WDPCP: variants seen among roughly 807,000 people sequenced by gnomAD.
The protein encoded by WDPCP is WD repeat-containing and planar cell polarity effector protein fritz homolog.
In WDPCP, 71 loss-of-function variants were observed where a neutral mutation model predicts 93.1. The observed-to-expected ratio is 0.76, with a 90% confidence interval of 0.63 to 0.93. The LOEUF (loss-of-function observed/expected upper bound fraction) is 0.93, where lower values mean the gene tolerates loss of function less well. Ranked by LOEUF, WDPCP falls within the 40% of genes least tolerant of loss-of-function variation. The probability of loss-of-function intolerance (pLI) is 0.00; values close to 1 mark genes in which losing one functional copy is unlikely to be tolerated. For missense variants in WDPCP, 844 were observed against 887.4 expected (o/e 0.95, Z 0.62); for synonymous variants, 315 against 315.0 (o/e 1.00, Z 0.00).
chr2:63,571,045 C>T (rs1037920387), intron 1 of WDPCP, among the ~76,000 whole-genome samples: 9 of 150,946 alleles, frequency 6.0e-5, no homozygotes, highest in South Asian at 2.1e-4. Flanking sequence ...GCTGGGACTA[C>T]AGGTGCGTGC....
intron 13 of WDPCP, among the ~76,000 whole-genome samples, chr2:63,292,644 C>G (rs1251252124): frequency 1.3e-5 from 2 of 152,192 alleles, no homozygotes; most frequent in Admixed American, 6.5e-5. Context: ...ACTTCTGGGT[C>G]TCACCTCTTC....
chr2:63,352,954 T>C (rs1378040263), intron 12 of WDPCP, among the ~76,000 whole-genome samples: 1 of 152,092 alleles, frequency 6.6e-6, no homozygotes, highest in Non-Finnish European at 1.5e-5. Flanking sequence ...TAATAAAAAT[T>C]AGTAAAGTCC....
chr2:63,494,897 G>A (rs1221969400), intron 1 of WDPCP, among the ~76,000 whole-genome samples: 5 of 147,198 alleles, frequency 3.4e-5, no homozygotes, highest in African/African-American at 1.0e-4. Context: ...TCCAGCCTGG[G>A]CGACAGAGCG....
At chr2:63,330,765 T>A (rs1004655145) in intron 12 of WDPCP, among the ~76,000 whole-genome samples, 2 of 152,114 alleles carry the variant, frequency 1.3e-5, no homozygotes, top group Non-Finnish European at 2.9e-5. Flanking sequence ...TTGTATGGTA[T>A]AAGAGAAGCA....
At chr2:63,271,186 C>T (rs530226638) in intron 13 of WDPCP, among the ~76,000 whole-genome samples, 2 of 152,326 alleles carry the variant, frequency 1.3e-5, no homozygotes, top group East Asian at 3.9e-4. Flanking sequence ...CTCACCAGAG[C>T]CTGAGAGCCA....
At chr2:63,673,353 C>T (rs1710368349) in intron 2 of WDPCP, among the ~76,000 whole-genome samples, 1 of 152,166 alleles carries the variant, frequency 6.6e-6, no homozygotes, top group Admixed American at 6.5e-5. Context: ...GAATTGTTTT[C>T]AGACCACAAT....
At chr2:63,623,456 A>G (rs1709771836) in intron 3 of WDPCP, among the ~76,000 whole-genome samples, 1 of 152,186 alleles carries the variant, frequency 6.6e-6, no homozygotes, top group South Asian at 2.1e-4. Flanking sequence ...GTAAAGACAC[A>G]TACAGGCTCA....
intron 14 of WDPCP, among the ~76,000 whole-genome samples, chr2:63,203,921 A>T (rs891529338): frequency 6.6e-6 from 1 of 152,192 alleles, no homozygotes; most frequent in Non-Finnish European, 1.5e-5. Flanking sequence ...GCCATTGTGC[A>T]TATATACATT....
intron 13 of WDPCP, among the ~76,000 whole-genome samples, chr2:63,283,489 A>G (rs942546283): frequency 1.3e-5 from 2 of 152,384 alleles, no homozygotes; most frequent in African/African-American, 2.4e-5. Flanking sequence ...AAGTTTTATT[A>G]GAACGTAGCC....
chr2:63,698,113 G>T (rs1036960501), intron 2 of WDPCP, among the ~76,000 whole-genome samples: 4 of 152,014 alleles, frequency 2.6e-5, no homozygotes, highest in Non-Finnish European at 5.9e-5. Context: ...GCAGCACCAT[G>T]CCTGGCTAAT....
chr2:63,210,165 C>T (rs1351149613), intron 14 of WDPCP, among the ~76,000 whole-genome samples: 2 of 151,712 alleles, frequency 1.3e-5, no homozygotes, highest in African/African-American at 4.8e-5. Flanking sequence ...ACAGAATATA[C>T]ATATGTAATT....
At chr2:63,562,009 C>G (rs1048926766) in intron 1 of WDPCP, among the ~76,000 whole-genome samples, 1 of 152,144 alleles carries the variant, frequency 6.6e-6, no homozygotes, top group African/African-American at 2.4e-5. Flanking sequence ...ACCTAGCAAT[C>G]TCATTATTGG....
intron 2 of WDPCP, among the ~76,000 whole-genome samples, chr2:63,702,608 G>A (rs1405820250): frequency 2.0e-5 from 3 of 149,922 alleles, no homozygotes; most frequent in East Asian, 2.0e-4. Context: ...GCGCGATTTC[G>A]GCTCACTGCA....
chr2:63,766,019 A>G (rs1330166031), intron 2 of WDPCP, among the ~76,000 whole-genome samples: 1 of 152,236 alleles, frequency 6.6e-6, no homozygotes, highest in Admixed American at 6.5e-5. Flanking sequence ...GGGAGCCTCA[A>G]AAGTTGTCCA....
intron 1 of WDPCP, among the ~76,000 whole-genome samples, chr2:63,527,220 T>C (rs1703405193): frequency 6.9e-6 from 1 of 144,732 alleles, no homozygotes; most frequent in Non-Finnish European, 1.5e-5. Flanking sequence ...AGGGCAGGCA[T>C]GCTTTTTTTT....
At chr2:63,665,520 A>G (rs1445141461) in intron 2 of WDPCP, among the ~76,000 whole-genome samples, 1 of 152,248 alleles carries the variant, frequency 6.6e-6, no homozygotes, top group Non-Finnish European at 1.5e-5. Flanking sequence ...CATCTATTAT[A>G]CAATGATCCT....
chr2:63,594,797 T>C, intron 3 of WDPCP: 1 of 453,334 alleles, frequency 2.2e-6, no homozygotes, highest in South Asian at 2.4e-5. Flanking sequence ...AACTCTTCCA[T>C]ATATTGTACT....
upstream of WDPCP, among the ~76,000 whole-genome samples, chr2:63,831,400 C>T (rs547285819): frequency 2.0e-5 from 3 of 152,194 alleles, no homozygotes; most frequent in East Asian, 1.9e-4. Flanking sequence ...TTCAGAGCCT[C>T]GGTTCTTGCC....
chr2:63,210,974 G>A (rs968444646), intron 14 of WDPCP, among the ~76,000 whole-genome samples: 2 of 152,214 alleles, frequency 1.3e-5, no homozygotes, highest in Non-Finnish European at 2.9e-5. Context: ...GAAATGGGTG[G>A]AGCCCACTGC....
Sources: gnomAD v4.1 joint callset for allele counts (sites outside exome capture counted in the v4.1 genomes callset) on GRCh38, gnomAD v4.1.1 for gene constraint, MANE v1.5 for transcripts, NCBI Gene and HGNC (gene_info 2026-07-23, HGNC 2026-07-21) for gene names.